Variants in INPPL1 observed in about 807,000 individuals in gnomAD.
INPPL1 encodes the protein phosphatidylinositol 3,4,5-trisphosphate 5-phosphatase 2.
Under a neutral mutation model 139.3 loss-of-function variants are expected in INPPL1, and 91 were observed. The observed-to-expected ratio is 0.65, with a 90% CI of 0.55 to 0.78. The LOEUF (loss-of-function observed/expected upper bound fraction) is 0.78, where lower values mean the gene tolerates loss of function less well. Ranked by LOEUF, INPPL1 falls within the 30% of genes least tolerant of loss-of-function variation. The pLI is 0.00. For missense variants in INPPL1, 1,411 were observed against 1,665.6 expected, an observed-to-expected ratio of 0.85 and a Z score of 2.66; for synonymous variants, 719 against 686.6, an observed-to-expected ratio of 1.05 and a Z score of -0.74.
intron 10 of INPPL1, 73 bp from the exon 11 acceptor site, chr11:72,230,723 C>A: frequency 1.6e-6 from 2 of 1,279,672 alleles, no homozygotes; most frequent in African/African-American, 1.5e-5. Flanking sequence ...CATGAGCCAA[C>A]TGGCAGGGTA....
Position 72,229,446 on chromosome 11 carries a change from G to T in INPPL1, c.660-19G>T, listed in dbSNP as rs1485997408. On this transcript the variant is annotated intron_variant, in intron 5 of 27. Coordinates refer to ENST00000298229, the MANE Select transcript of INPPL1 (RefSeq NM_001567.4). ...CTTAGGTCGGGGTGGGAGTTCTTTTGATCTGATGTCTTCCCTAGTGAGGTG... is the reference window on the plus strand; with the variant it reads ...CTTAGGTCGGGGTGGGAGTTCTTTTTATCTGATGTCTTCCCTAGTGAGGTG... 2 of 1,611,756 alleles carry T rather than the reference G, an allele frequency of 1.2e-6. No homozygotes were observed. The highest frequency in any genetic ancestry group is 1.7e-6 in the Non-Finnish European group (2 of 1,177,894).
rs1213112266 is a variant in INPPL1, at chr11:72,229,551, A to G, written c.746A>G (p.Gln249Arg). ...QSSPMVTRLL[Q>R]QQNLPQTGEQ... The stretch of plus-strand genomic sequence containing the variant: ...TCGCCCATGGTGACCCGCCTTTTGC[A>G]GCAGCAGGTAGATTGTAGGGAGACC... The change falls in exon 6 of 28, where the codon CAG becomes CGG. Residue 249 changes from glutamine (Q) to arginine (R), a missense_variant. Gln to Arg is a conservative substitution (Grantham distance 43, BLOSUM62 1). Around this residue, in one of 5 missense-constraint regions of INPPL1, gnomAD observed 504 missense variants for 595.6 expected, o/e 0.85. Transcript: ENST00000298229. 1 of 1,613,968 alleles carries G rather than the reference A, an allele frequency of 6.2e-7. No homozygotes were observed. Among genetic ancestry groups the G allele is most frequent in the Non-Finnish European group, 8.5e-7 (1 of 1,179,988 alleles).
In INPPL1 at chr11:72,235,826, C is replaced by T; in HGVS notation, c.2739-20C>T. ...ATCTGGTCAACCCCACTTCATCTCT[C>T]TCCTGTGCATCCCTGGCAGGTCAGG... On this transcript the variant is annotated intron_variant, in intron 24 of 27. Transcript: ENST00000298229. The surrounding 1 kb of genome is among the most constrained non-coding windows in gnomAD (Gnocchi z 4.9). 1.9e-6 allele frequency: 3 copies of T among 1,612,826 alleles called. No individual in the cohort carries two copies. The highest frequency in any genetic ancestry group is 1.1e-5 in the South Asian group (1 of 90,938).
intron 1 of INPPL1, 57 bp downstream of exon 1, chr11:72,225,223 C>T (rs1370045328): frequency 2.4e-6 from 3 of 1,226,058 alleles, no homozygotes; most frequent in Non-Finnish European, 3.0e-6. Flanking sequence ...CGGGCACGGC[C>T]GGGTGTGGAA....
In INPPL1 at chr11:72,238,142, T is replaced by A; in HGVS notation, c.3653T>A (p.Val1218Glu). The change falls in exon 27 of 28, where the codon GTG becomes GAG. Residue 1218 changes from valine (V) to glutamate (E), a missense_variant. By Grantham distance (121) the Val-to-Glu change is moderately radical. Transcript: ENST00000298229. ...TTGGAGCGCTATGAGGAGGGCCTGG[T>A]GCATAATGGCTGGGACGACCTGGAG... ...IGLERYEEGL[V>E]HNGWDDLEFL... 2 of 1,590,014 alleles carry A rather than the reference T, an allele frequency of 1.3e-6. No homozygotes were observed. Among genetic ancestry groups the A allele is most frequent in the Non-Finnish European group, 8.6e-7 (1 of 1,168,456 alleles).
chr11:72,234,708 G>T lies in INPPL1; in HGVS notation c.2415+93G>T. ...GAGAGCCTGCCTGGGAGGGAGTGTG[G>T]GGCCAGCAGAGAGAGAGAGAGAGAG... On this transcript the variant is annotated intron_variant, in intron 21 of 27. Transcript: ENST00000298229. The surrounding 1 kb of genome is among the most constrained non-coding windows in gnomAD (Gnocchi z 4.2). 2.4e-6 allele frequency: 2 copies of T among 841,116 alleles called. No homozygotes were observed. The highest frequency in any genetic ancestry group is 2.0e-6 in the Non-Finnish European group (1 of 511,132). The allele number at this position is 841,116 out of a possible 1,614,324, so 52.1% of individuals were successfully genotyped here. A position where few individuals can be genotyped will look rare whatever the true frequency, so the allele number is the denominator to read the frequency against.
Position 72,238,522 on chromosome 11 carries a change from A to C in INPPL1, c.*169A>C. ...ATTCCCCGCTGCCCAATCATTTGCA[A>C]TGCCCTAATTAGGGCATCCTGCCCC... is the stretch of plus-strand genomic sequence containing the variant. On this transcript the variant is annotated 3_prime_UTR_variant, in exon 28 of 28. Coordinates refer to ENST00000298229, the MANE Select transcript of INPPL1 (RefSeq NM_001567.4). 1 of 550,270 alleles carries C rather than the reference A, an allele frequency of 1.8e-6. No homozygotes were observed. The allele number at this position is 550,270 out of a possible 1,614,324, so 34.1% of individuals were successfully genotyped here.
In INPPL1 at chr11:72,228,069, G is replaced by A; in HGVS notation, c.183-121G>A. 1 of 935,142 alleles carries A rather than the reference G, an allele frequency of 1.1e-6. No homozygotes were observed. The highest frequency in any genetic ancestry group is 1.7e-6 in the Non-Finnish European group (1 of 578,938). 57.9% of individuals were successfully genotyped at this position (935,142 alleles called of 1,614,324 possible). ...TTAACCCTGTGCAGCCTGGGCAGGT[G>A]GTTTTAGGGAAACCAAGCTGAGGGG... On this transcript the variant is annotated intron_variant, in intron 1 of 27. Coordinates refer to ENST00000298229, the MANE Select transcript of INPPL1 (RefSeq NM_001567.4). The surrounding 1 kb of genome is among the most constrained non-coding windows in gnomAD (Gnocchi z 5.0).
rs2276046 is a variant in INPPL1 at position 72,235,289 on chromosome 11, T to C, written c.2504-7T>C. 118,598 of 1,613,790 alleles carry C rather than the reference T, an allele frequency of 0.073. 5,454 individuals are homozygous for C. Among genetic ancestry groups the C allele is most frequent in the African/African-American group, 0.21 (15,811 of 74,910 alleles). Reference sequence around the variant, plus strand: ...TAATTTGCTGGTTTGTCCCATCTGCTCCTCAGGGGAGTGTGTGGTTGCACT... The same window carrying C: ...TAATTTGCTGGTTTGTCCCATCTGCCCCTCAGGGGAGTGTGTGGTTGCACT... On this transcript the variant is annotated splice_region_variant and splice_polypyrimidine_tract_variant and intron_variant, in intron 22 of 27. Transcript: ENST00000298229. This position sits in a 1 kb window ranked among gnomAD's most constrained non-coding sequence, Gnocchi z 4.9.
intron 17 of INPPL1, 125 bp downstream of exon 17, chr11:72,233,288 G>C (rs1018962112): frequency 5.7e-6 from 6 of 1,048,478 alleles, no homozygotes; most frequent in Non-Finnish European, 8.6e-6. Flanking sequence ...GAGGCCTTTG[G>C]GTGATCCTGG....
intron 1 of INPPL1, 56 bp downstream of exon 1, chr11:72,225,222 C>T: frequency 8.2e-7 from 1 of 1,226,358 alleles, no homozygotes; most frequent in Non-Finnish European, 1.0e-6. Flanking sequence ...GCGGGCACGG[C>T]CGGGTGTGGA....
Position 72,224,870 on chromosome 11 carries a change from G to T in INPPL1, c.-115G>T. 1 of 713,722 alleles carries T rather than the reference G, an allele frequency of 1.4e-6. No homozygotes were observed. The highest frequency in any genetic ancestry group is 1.7e-6 in the Non-Finnish European group (1 of 573,438). 44.2% of individuals were successfully genotyped at this position (713,722 alleles called of 1,614,324 possible). ...TGAGTCCCGATCCCCGGCTCTGTCC[G>T]GCCCACGGATCCTCAAGCCCGGGCC... is the stretch of plus-strand genomic sequence containing the variant. On this transcript the variant is annotated 5_prime_UTR_variant, in exon 1 of 28. Coordinates refer to ENST00000298229, the MANE Select transcript of INPPL1 (RefSeq NM_001567.4).
rs761025371 is a variant in INPPL1, at chr11:72,230,268, C to T, written c.1087C>T (p.Arg363Cys). ...GGACTGGACCACCTTCACGCACGAC[C>T]GCAGTGAGCCAGGGCCAGACCTGGG... is the stretch of plus-strand genomic sequence containing the variant. Reference protein sequence around the residue: ...QEDWTTFTHDRIRQLIKSQRV... With the variant: ...QEDWTTFTHDCIRQLIKSQRV... Residue 363 changes from arginine (R) to cysteine (C), a missense_variant, in exon 9 of 28, where the codon CGC becomes TGC. By Grantham distance (180) the Arg-to-Cys change is radical. Transcript: ENST00000298229. 14 of 1,607,888 alleles carry T rather than the reference C, an allele frequency of 8.7e-6. No individual in the cohort carries two copies. Among genetic ancestry groups the T allele is most frequent in the East Asian group, 6.7e-5 (3 of 44,730 alleles).
chr11:72,237,639 A>G lies in INPPL1; in HGVS notation c.3395A>G (p.Glu1132Gly). The G allele has an allele frequency of 6.2e-7, 1 of 1,610,438 alleles. No individual in the cohort carries two copies. The highest frequency in any genetic ancestry group is 8.5e-7 in the Non-Finnish European group (1 of 1,178,232). The change falls in exon 26 of 28, where the codon GAG (glutamate) becomes GGG (glycine). Residue 1132 changes from glutamate (E) to glycine (G), a missense_variant. Glu to Gly is a moderately conservative substitution (Grantham distance 98). Transcript: ENST00000298229. Reference sequence around the variant, plus strand: ...CTGCAGATGGCCAAGACGCTGAGCGAGGTGGACTATGCCCCTGCTGGGCCT... The same window carrying G: ...CTGCAGATGGCCAAGACGCTGAGCGGGGTGGACTATGCCCCTGCTGGGCCT... ...SVLQMAKTLSEVDYAPAGPAR... is the reference protein window; with the variant it reads ...SVLQMAKTLSGVDYAPAGPAR...
At chr11:72,233,784 A>C (rs374684737) in intron 19 of INPPL1, 40 bp downstream of exon 19, 26 of 1,529,854 alleles carry the variant, frequency 1.7e-5, no homozygotes, top group Admixed American at 6.7e-5. Flanking sequence ...GGCATAATCT[A>C]GGTGGGCACA....
Position 72,234,284 on chromosome 11 carries a change from T to C in INPPL1, c.2216T>C (p.Leu739Pro). The change falls in exon 20 of 28, where the codon CTC (leucine) becomes CCC (proline). Residue 739 changes from leucine to proline, a missense_variant. By Grantham distance (98) the Leu-to-Pro change is moderately conservative. Transcript: ENST00000298229. The surrounding 1 kb of genome is among the most constrained non-coding windows in gnomAD (Gnocchi z 4.2). The stretch of plus-strand genomic sequence containing the variant: ...GTTCTCCTCCCTTTCTCCTCAGGGC[T>C]CTCAAAGACTTCAGACCAGGCCTAC... ...VTSQFISKKGLSKTSDQAYIE... is the reference protein window; with the variant it reads ...VTSQFISKKGPSKTSDQAYIE... The C allele has an allele frequency of 3.1e-6, 5 of 1,612,090 alleles. No individual in the cohort carries two copies. The highest frequency in any genetic ancestry group is 4.2e-6 in the Non-Finnish European group (5 of 1,178,220).
intron 1 of INPPL1, among the ~76,000 whole-genome samples, chr11:72,225,965 C>T (rs1047420784): frequency 2.0e-5 from 3 of 152,108 alleles, no homozygotes; most frequent in African/African-American, 7.2e-5. Flanking sequence ...TACCTCCTGC[C>T]CTGCAGTCTG....
upstream of INPPL1, among the ~76,000 whole-genome samples, chr11:72,224,146 G>A (rs1241664196): frequency 6.6e-6 from 1 of 152,112 alleles, no homozygotes; most frequent in Non-Finnish European, 1.5e-5. Context: ...TGCGTGAGAG[G>A]CTCGAGAACG....
At position 72,233,559 on chromosome 11, in the gene INPPL1, G is replaced by A. The variant is rs373229414; in HGVS notation, c.2122+37G>A. ...CCGGACAGAGTGATGGGAGATCTGG[G>A]GTGGTCACCATCTGGACTCTGCCCT... On this transcript the variant is annotated intron_variant, in intron 18 of 27. Coordinates refer to ENST00000298229, the MANE Select transcript of INPPL1 (RefSeq NM_001567.4). 1.1e-5 allele frequency: 18 copies of A among 1,607,094 alleles called. No individual in the cohort carries two copies. The African/African-American group carries it at 2.4e-4, about 21-fold the overall frequency.
Sources: allele counts gnomAD v4.1 joint callset (sites outside exome capture counted in the v4.1 genomes callset), GRCh38; gene constraint gnomAD v4.1.1; regional missense constraint gnomAD v4.1.1; non-coding constraint Gnocchi (gnomAD v3.1); transcripts MANE v1.5; gene names NCBI Gene and HGNC (gene_info 2026-07-23, HGNC 2026-07-21).